The following MGRN1 variants were observed in gnomAD, a reference collection of about 807,000 sequenced individuals.
MGRN1 encodes the protein mahogunin ring finger 1, also known as E3 ubiquitin-protein ligase MGRN1.
A neutral mutation model predicts 69.2 loss-of-function variants in MGRN1; 29 were observed. The ratio of observed to expected loss-of-function variants is 0.42; its 90% CI spans 0.31 to 0.57. The LOEUF is 0.57. Ranked by LOEUF, MGRN1 falls within the 20% of genes least tolerant of loss-of-function variation. The pLI, the probability that MGRN1 is intolerant of heterozygous loss-of-function variation, is 0.15. For synonymous variants in MGRN1, 470 were observed against 344.2 expected, an observed-to-expected ratio of 1.37 and a Z score of -4.04; for missense variants, 998 against 796.2, an observed-to-expected ratio of 1.25 and a Z score of -3.05.
At chr16:4,656,463 C>T (rs1207966175) in intron 4 of MGRN1, among the ~76,000 whole-genome samples, 2 of 152,246 alleles carry the variant, frequency 1.3e-5, no homozygotes, top group East Asian at 3.8e-4. Flanking sequence ...ACCATTGTGC[C>T]TCCGCCTTCC....
intron 9 of MGRN1, among the ~76,000 whole-genome samples, chr16:4,673,183 C>A (rs1031807394): frequency 6.6e-6 from 1 of 152,176 alleles, no homozygotes; most frequent in African/African-American, 2.4e-5. Flanking sequence ...TACCCTGACC[C>A]TCAGGAAGAT....
intron 4 of MGRN1, among the ~76,000 whole-genome samples, chr16:4,653,312 C>T (rs987847550): frequency 1.1e-4 from 17 of 152,214 alleles, no homozygotes; most frequent in Non-Finnish European, 2.4e-4. Context: ...AGGGGTGGGG[C>T]GCACCACCTT....
At chr16:4,678,273 G>A in intron 11 of MGRN1, among the ~76,000 whole-genome samples, 1 of 134,082 alleles carries the variant, frequency 7.5e-6, no homozygotes, top group East Asian at 2.6e-4. Flanking sequence ...GGCAGGCCCT[G>A]CTTCAGCAAC....
chr16:4,673,823 G>C (rs76973224), intron 10 of MGRN1, among the ~76,000 whole-genome samples, 166 bp downstream of exon 10: 3,860 of 152,266 alleles, frequency 0.025, 186 homozygotes, highest in African/African-American at 0.088. Context: ...GTCGGAGTCA[G>C]TCACCGTGAG....
At chr16:4,680,247 G>C (rs938767252) in intron 12 of MGRN1, 150 bp downstream of exon 12, 1 of 744,676 alleles carries the variant, frequency 1.3e-6, no homozygotes, top group African/African-American at 1.8e-5. Flanking sequence ...TCCCTGCCCA[G>C]GGAGTTTGTG....
intron 7 of MGRN1, among the ~76,000 whole-genome samples, chr16:4,665,362 C>CTTT (rs373526884): frequency 1.4e-5 from 2 of 141,670 alleles, no homozygotes; most frequent in Non-Finnish European, 3.1e-5. Flanking sequence ...TTAGCATTTC[C>CTTT]TTTTTTTTTT....
At chr16:4,650,342 A>G in intron 1 of MGRN1, 23 bp from the exon 2 acceptor site, 2 of 1,559,230 alleles carry the variant, frequency 1.3e-6, no homozygotes, top group East Asian at 2.2e-5. Flanking sequence ...AAAATCTATA[A>G]TCGTGTTTCC....
intron 1 of MGRN1, among the ~76,000 whole-genome samples, chr16:4,642,608 G>A (rs1202860546): frequency 1.3e-5 from 2 of 151,950 alleles, no homozygotes; most frequent in Non-Finnish European, 2.9e-5. Context: ...ACAGGCGTGA[G>A]CCACCGCACC....
rs2078775280 is a variant in MGRN1, at chr16:4,665,236, G to C, written c.678+85G>C. ...TTTGAGACGAGAAGCCTGAGCAGGG[G>C]CTGGGGCTTGGTGGGGTGGCTGAGT... On this transcript the variant is annotated intron_variant, in intron 7 of 16. Coordinates refer to ENST00000262370, the MANE Select transcript of MGRN1 (RefSeq NM_015246.4). 3.4e-6 allele frequency: 5 copies of C among 1,478,602 alleles called. No homozygotes were observed. In the South Asian group the frequency reaches 5.9e-5, roughly 17 times the overall value. The allele number at this position is 1,478,602 out of a possible 1,614,324, so 91.6% of individuals were successfully genotyped here. A position where few individuals can be genotyped will look rare whatever the true frequency, so the allele number is the denominator to read the frequency against.
rs1367240613 is a variant in MGRN1 at position 4,690,482 on chromosome 16, TCACACCCAGCTCCCTG to T, written c.*1584_*1599del. On this transcript the variant is annotated 3_prime_UTR_variant, in exon 17 of 17. Coordinates refer to ENST00000262370, the MANE Select transcript of MGRN1 (RefSeq NM_015246.4). ...GACCCAGCAGTGGACAGCATGGTCC[TCACACCCAGCTCCCTG>T]CACACCCAGGCCAGCCACCCCTCCC... is the stretch of plus-strand genomic sequence containing the variant. 6.6e-6 allele frequency: 1 copy of T among 152,500 alleles called. No homozygotes were observed. The highest frequency in any genetic ancestry group is 1.5e-5 in the Non-Finnish European group (1 of 68,280). The allele number at this position is 152,500 out of a possible 1,614,324, so 9.4% of individuals were successfully genotyped here. A position where few individuals can be genotyped will look rare whatever the true frequency, so the allele number is the denominator to read the frequency against.
At chr16:4,655,875 T>G (rs1329970902) in intron 4 of MGRN1, among the ~76,000 whole-genome samples, 1 of 152,230 alleles carries the variant, frequency 6.6e-6, no homozygotes, top group African/African-American at 2.4e-5. Context: ...GGCCTCCGCA[T>G]CTCACAGGAG....
chr16:4,686,014 C>T (rs529320953), intron 16 of MGRN1, among the ~76,000 whole-genome samples: 23 of 152,316 alleles, frequency 1.5e-4, no homozygotes, highest in Non-Finnish European at 2.1e-4. Flanking sequence ...TGCGCCCTTC[C>T]CTAGGCTGCG....
At chr16:4,638,712 G>C in intron 1 of MGRN1, among the ~76,000 whole-genome samples, 1 of 152,234 alleles carries the variant, frequency 6.6e-6, no homozygotes, top group East Asian at 1.9e-4. Context: ...CAATGCAGCA[G>C]CTGATTTTGT....
intron 10 of MGRN1, among the ~76,000 whole-genome samples, chr16:4,675,733 CAAA>C (rs551578710): frequency 1.4e-4 from 12 of 88,450 alleles, no homozygotes; most frequent in African/African-American, 3.0e-4. Flanking sequence ...GACCCTGTTT[CAAA>C]AAAAAAAAAA....
At chr16:4,638,920 A>G (rs79942230) in intron 1 of MGRN1, among the ~76,000 whole-genome samples, 4,471 of 152,194 alleles carry the variant, frequency 0.029, 236 homozygotes, top group African/African-American at 0.1. Context: ...TGTGTTTCTT[A>G]GGAGGCAGAC....
At chr16:4,626,800 A>G (rs889764468) in intron 1 of MGRN1, among the ~76,000 whole-genome samples, 8 of 152,208 alleles carry the variant, frequency 5.3e-5, no homozygotes, top group Non-Finnish European at 1.2e-4. Flanking sequence ...CTGAGCATCC[A>G]TCGCAGAACA....
chr16:4,641,952 G>T (rs2078168887), intron 1 of MGRN1, among the ~76,000 whole-genome samples: 1 of 152,000 alleles, frequency 6.6e-6, no homozygotes, highest in Admixed American at 6.6e-5. Context: ...CCCTCGGCTG[G>T]CCTGGATTCT....
At chr16:4,662,071 TTTC>T (rs1163123543) in intron 5 of MGRN1, among the ~76,000 whole-genome samples, 2 of 152,182 alleles carry the variant, frequency 1.3e-5, no homozygotes, top group East Asian at 3.8e-4. Context: ...AGTCGGGTAC[TTTC>T]TTGACACTGA....
intron 16 of MGRN1, 97 bp downstream of exon 16, chr16:4,684,029 C>T (rs1000701609): frequency 9.3e-7 from 1 of 1,077,284 alleles, no homozygotes; most frequent in African/African-American, 1.6e-5. Context: ...GCAGCAGAGG[C>T]TGTCCATTGG....
Sources: gnomAD v4.1 joint callset for allele counts (sites outside exome capture counted in the v4.1 genomes callset) on GRCh38, gnomAD v4.1.1 for gene constraint, MANE v1.5 for transcripts, NCBI Gene and HGNC (gene_info 2026-07-23, HGNC 2026-07-21) for gene names.